Variants in ULK4 observed in about 807,000 individuals in gnomAD.
ULK4 encodes inactive serine/threonine-protein kinase ULK4.
A neutral mutation model predicts 160.6 loss-of-function variants in ULK4; 133 were observed. The ratio of observed to expected loss-of-function variants is 0.83; its 90% confidence interval spans 0.72 to 0.96. ULK4 has a LOEUF of 0.96. Ranked by LOEUF, ULK4 falls within the 40% of genes least tolerant of loss-of-function variation. The pLI, the probability that ULK4 is intolerant of heterozygous loss-of-function variation, is 0.00. For synonymous variants in ULK4, 534 were observed against 539.8 expected (o/e 0.99, Z 0.15); for missense variants, 1,580 against 1,499.5 (o/e 1.05, Z -0.89).
chr3:41,377,445 A>C (rs528035978), intron 35 of ULK4, among the ~76,000 whole-genome samples: 1,914 of 150,296 alleles, frequency 0.013, 52 homozygotes, highest in African/African-American at 0.043. Flanking sequence ...CAACCTACAA[A>C]ATGGGAGAAA....
intron 32 of ULK4, among the ~76,000 whole-genome samples, chr3:41,535,766 C>G (rs2086476007): frequency 2.0e-5 from 3 of 152,172 alleles, no homozygotes; most frequent in African/African-American, 7.2e-5. Context: ...TACCTGGGTG[C>G]TCATTTCTAT....
intron 18 of ULK4, among the ~76,000 whole-genome samples, chr3:41,835,076 T>C (rs1174565088): frequency 6.6e-6 from 1 of 152,106 alleles, no homozygotes; most frequent in Non-Finnish European, 1.5e-5. Flanking sequence ...ACAATATCAG[T>C]TCTCCTCAAA....
At chr3:41,859,624 C>A (rs1234345407) in intron 17 of ULK4, 5 of 481,866 alleles carry the variant, frequency 1.0e-5, no homozygotes, top group Non-Finnish European at 1.6e-5. Context: ...AGCCTCTGCC[C>A]CACCGCTTCA....
chr3:41,598,255 T>C (rs2031822865), intron 31 of ULK4, among the ~76,000 whole-genome samples: 1 of 151,958 alleles, frequency 6.6e-6, no homozygotes, highest in Admixed American at 6.6e-5. Context: ...AAAACACCTT[T>C]ACAGCACTGC....
intron 21 of ULK4, among the ~76,000 whole-genome samples, chr3:41,773,353 G>C (rs1187759851): frequency 6.6e-6 from 1 of 152,188 alleles, no homozygotes; most frequent in Non-Finnish European, 1.5e-5. Context: ...TCCTTAAGCT[G>C]ATAAGCAACT....
intron 12 of ULK4, 129 bp downstream of exon 12, chr3:41,907,716 T>C: frequency 1.9e-6 from 1 of 516,918 alleles, no homozygotes; most frequent in Non-Finnish European, 3.1e-6. Context: ...AAGAAAAACC[T>C]ATAATGATCA....
At chr3:41,847,021 T>C (rs1431015628) in intron 17 of ULK4, among the ~76,000 whole-genome samples, 1 of 152,164 alleles carries the variant, frequency 6.6e-6, no homozygotes, top group Non-Finnish European at 1.5e-5. Flanking sequence ...ACCACAGGCA[T>C]GACTGGTTGG....
At chr3:41,588,172 A>G (rs1002529266) in intron 31 of ULK4, among the ~76,000 whole-genome samples, 31 of 152,218 alleles carry the variant, frequency 2.0e-4, no homozygotes, top group African/African-American at 7.0e-4. Flanking sequence ...ACAAAACAAA[A>G]CAAAACACCA....
At chr3:41,558,960 T>A (rs2087431644) in intron 32 of ULK4, among the ~76,000 whole-genome samples, 1 of 136,390 alleles carries the variant, frequency 7.3e-6, no homozygotes, top group Admixed American at 7.7e-5. Context: ...TGTGCCATGC[T>A]GGTGTGCTGC....
chr3:41,902,127 T>C (rs1698391565), intron 12 of ULK4, among the ~76,000 whole-genome samples: 1 of 151,024 alleles, frequency 6.6e-6, no homozygotes, highest in Admixed American at 6.6e-5. Context: ...GCTAGCAAAC[T>C]AAATAAAATA....
intron 32 of ULK4, among the ~76,000 whole-genome samples, chr3:41,495,254 A>G (rs2084944447): frequency 6.6e-6 from 1 of 152,132 alleles, no homozygotes; most frequent in Non-Finnish European, 1.5e-5. Context: ...AACAGAACAG[A>G]GCCCTCAGAA....
intron 34 of ULK4, among the ~76,000 whole-genome samples, chr3:41,398,553 ATT>A (rs11321558): frequency 2.7e-3 from 355 of 130,614 alleles, no homozygotes; most frequent in East Asian, 4.4e-3. Context: ...TGCCCAGCTA[ATT>A]TTTTTTTTTT....
chr3:41,380,689 A>G (rs1219970062), intron 35 of ULK4, among the ~76,000 whole-genome samples: 1 of 152,132 alleles, frequency 6.6e-6, no homozygotes, highest in Non-Finnish European at 1.5e-5. Context: ...CGCCATGTAA[A>G]GCCCAGGCCC....
chr3:41,474,821 T>TAAAAAAAAAAAA (rs34840621), intron 32 of ULK4, among the ~76,000 whole-genome samples: 2 of 140,840 alleles, frequency 1.4e-5, no homozygotes, highest in African/African-American at 2.7e-5. Context: ...TGATTATTAT[T>TAAAAAAAAAAAA]AAAAAAAAAA....
At chr3:41,322,410 C>CA (rs1421150104) in intron 35 of ULK4, among the ~76,000 whole-genome samples, 1 of 152,164 alleles carries the variant, frequency 6.6e-6, no homozygotes, top group East Asian at 1.9e-4. Context: ...GCCCCTCAGA[C>CA]AAATTTTTCT....
intron 31 of ULK4, among the ~76,000 whole-genome samples, chr3:41,608,115 C>A (rs958407374): frequency 6.6e-6 from 1 of 152,124 alleles, no homozygotes; most frequent in African/African-American, 2.4e-5. Flanking sequence ...TTGTATCAGT[C>A]TTTTTTCCAA....
At chr3:41,843,097 C>T (rs1414448818) in intron 17 of ULK4, among the ~76,000 whole-genome samples, 3 of 152,038 alleles carry the variant, frequency 2.0e-5, no homozygotes, top group South Asian at 2.1e-4. Context: ...TATAGGATAA[C>T]GTCTTCAGGA....
intron 20 of ULK4, among the ~76,000 whole-genome samples, chr3:41,798,344 T>C (rs2040361073): frequency 1.3e-5 from 2 of 152,340 alleles, no homozygotes; most frequent in South Asian, 2.1e-4. Context: ...AGTTCACTGG[T>C]ATACTTTGTA....
chr3:41,363,171 A>C (rs1197139670), intron 35 of ULK4, among the ~76,000 whole-genome samples: 1 of 152,228 alleles, frequency 6.6e-6, no homozygotes, highest in African/African-American at 2.4e-5. Context: ...ACAAGGCATA[A>C]GGAGCTCCCC....
Sources: allele counts gnomAD v4.1 joint callset (sites outside exome capture counted in the v4.1 genomes callset), GRCh38; gene constraint gnomAD v4.1.1; transcripts MANE v1.5; gene names NCBI Gene and HGNC (gene_info 2026-07-23, HGNC 2026-07-21).